Variants in UBTD1 observed in about 807,000 individuals in gnomAD.
UBTD1 encodes the protein ubiquitin domain containing 1.
UBTD1 carries 19 observed loss-of-function variants against 21.7 expected under a neutral mutation model. The ratio of observed to expected loss-of-function variants is 0.87; its 90% CI spans 0.61 to 1.28. The LOEUF (loss-of-function observed/expected upper bound fraction) is 1.28. UBTD1 is among the 50% of genes most tolerant of loss of function. The pLI, the probability that UBTD1 is intolerant of heterozygous loss-of-function variation, is 0.00. For synonymous variants in UBTD1, 116 were observed against 135.1 expected (o/e 0.86, Z 0.98); for missense variants, 282 against 315.1 (o/e 0.89, Z 0.80).
At chr10:97,562,856 C>G (rs551153006) in intron 1 of UBTD1, among the ~76,000 whole-genome samples, 15 of 152,072 alleles carry the variant, frequency 9.9e-5, no homozygotes, top group Non-Finnish European at 2.1e-4. Context: ...ACATTCCTGT[C>G]TTCTTATATT....
At chr10:97,508,417 A>T (rs376360434) in intron 1 of UBTD1, among the ~76,000 whole-genome samples, 1 of 152,144 alleles carries the variant, frequency 6.6e-6, no homozygotes, top group Non-Finnish European at 1.5e-5. Context: ...TATTTTACCT[A>T]TGGGAACATG....
chr10:97,521,877 T>A (rs1275329834), intron 1 of UBTD1, among the ~76,000 whole-genome samples: 1 of 152,258 alleles, frequency 6.6e-6, no homozygotes, highest in Non-Finnish European at 1.5e-5. Flanking sequence ...GTCAAGTAGC[T>A]GGCCTTGGGC....
chr10:97,506,832 A>C (rs577065853), intron 1 of UBTD1, among the ~76,000 whole-genome samples: 1 of 152,314 alleles, frequency 6.6e-6, no homozygotes, highest in Admixed American at 6.5e-5. Context: ...AGCATGTGTC[A>C]GAATGTCCTT....
chr10:97,547,390 A>G (rs1217888386), intron 1 of UBTD1, among the ~76,000 whole-genome samples: 4 of 152,090 alleles, frequency 2.6e-5, no homozygotes, highest in Non-Finnish European at 5.9e-5. Flanking sequence ...ATTAGCCACC[A>G]TCCTCCCTCT....
chr10:97,538,279 G>C (rs182768769), intron 1 of UBTD1, among the ~76,000 whole-genome samples: 26 of 152,174 alleles, frequency 1.7e-4, no homozygotes, highest in African/African-American at 6.3e-4. Context: ...ATCCCTTGAG[G>C]CTAGGGGTTT....
chr10:97,545,387 C>CGT (rs1554866775), intron 1 of UBTD1, among the ~76,000 whole-genome samples: 13 of 120,712 alleles, frequency 1.1e-4, no homozygotes, highest in African/African-American at 4.3e-4. Flanking sequence ...GTATGGGGCT[C>CGT]GTGTGTGTGT....
chr10:97,568,116 T>G lies in UBTD1; in HGVS notation c.273T>G (p.Asp91Glu). ...NDHELAQAILDGASITLPHGT... is the reference protein window; with the variant it reads ...NDHELAQAILEGASITLPHGT... ...ACGAGCTGGCCCAGGCCATCCTGGA[T>G]GGAGCCAGCATCACCCTGCCTCATG... The change falls in exon 2 of 3, where the codon GAT (aspartate) becomes GAG (glutamate). Residue 91 changes from aspartate (D) to glutamate (E), a missense_variant. Transcript: ENST00000370664. 6.2e-7 allele frequency: 1 copy of G among 1,613,744 alleles called. No homozygotes were observed. Among genetic ancestry groups the G allele is most frequent in the Non-Finnish European group, 8.5e-7 (1 of 1,180,042 alleles).
At chr10:97,561,195 T>C (rs924229875) in intron 1 of UBTD1, among the ~76,000 whole-genome samples, 1 of 152,036 alleles carries the variant, frequency 6.6e-6, no homozygotes, top group Non-Finnish European at 1.5e-5. Flanking sequence ...CCGGGAGCGC[T>C]CTTTGGATTG....
chr10:97,567,531 C>T (rs183627867), intron 1 of UBTD1, among the ~76,000 whole-genome samples: 3 of 151,598 alleles, frequency 2.0e-5, no homozygotes, highest in African/African-American at 2.4e-5. Flanking sequence ...TGGTGGTGGG[C>T]GCCTGTAATC....
At chr10:97,559,270 G>A (rs894212655) in intron 1 of UBTD1, among the ~76,000 whole-genome samples, 19 of 152,350 alleles carry the variant, frequency 1.2e-4, no homozygotes, top group Middle Eastern at 3.4e-3. Flanking sequence ...GCCCACGCCT[G>A]GTCGACTGGA....
intron 1 of UBTD1, among the ~76,000 whole-genome samples, chr10:97,536,007 T>TA (rs199545304): frequency 0.011 from 1,707 of 149,422 alleles, 20 homozygotes; most frequent in East Asian, 0.039. Context: ...TTATTATTAT[T>TA]TCGAGACAGA....
At position 97,570,532 on chromosome 10, in the gene UBTD1, C is replaced by CG. The variant is rs1564746698; in HGVS notation, c.*11dup. 1.3e-6 allele frequency: 2 copies of CG among 1,584,812 alleles called. No individual in the cohort carries two copies. Among genetic ancestry groups the CG allele is most frequent in the Non-Finnish European group, 1.7e-6 (2 of 1,159,732 alleles). ...CACCACCCCAGGACTGATGGGCCCA[C>CG]GGACCCCTGGGAAGAGGCCCCGCCT... On this transcript the variant is annotated 3_prime_UTR_variant, in exon 3 of 3. Coordinates refer to ENST00000370664, the MANE Select transcript of UBTD1 (RefSeq NM_024954.5). This position sits in a 1 kb window ranked among gnomAD's most constrained non-coding sequence, Gnocchi z 6.6.
chr10:97,551,293 C>T (rs983441109), intron 1 of UBTD1, among the ~76,000 whole-genome samples: 9 of 151,652 alleles, frequency 5.9e-5, no homozygotes, highest in South Asian at 2.1e-4. Context: ...CCTAGCACTT[C>T]GGGAGGCCGA....
chr10:97,518,353 C>T (rs946378344), intron 1 of UBTD1, among the ~76,000 whole-genome samples: 19 of 152,318 alleles, frequency 1.2e-4, no homozygotes, highest in African/African-American at 3.4e-4. Flanking sequence ...CTAGCTGCCC[C>T]TCCCCGAGGA....
chr10:97,569,515 T>C (rs781074555), intron 2 of UBTD1, among the ~76,000 whole-genome samples: 1 of 152,224 alleles, frequency 6.6e-6, no homozygotes, highest in Non-Finnish European at 1.5e-5. Flanking sequence ...GTACACCTGG[T>C]CATCAGGCTG....
intron 1 of UBTD1, among the ~76,000 whole-genome samples, chr10:97,545,363 C>T (rs2040604795): frequency 1.4e-5 from 2 of 146,344 alleles, no homozygotes; most frequent in Admixed American, 6.8e-5. Flanking sequence ...GACCTACTTT[C>T]TATTCTCTGG....
chr10:97,519,551 A>G (rs1426556298), intron 1 of UBTD1, among the ~76,000 whole-genome samples: 1 of 152,106 alleles, frequency 6.6e-6, no homozygotes, highest in Non-Finnish European at 1.5e-5. Flanking sequence ...GTGAGTGGTG[A>G]TTGTCAACTG....
intron 1 of UBTD1, among the ~76,000 whole-genome samples, chr10:97,534,569 ACGCG>A (rs1265177158): frequency 1.9e-4 from 21 of 109,520 alleles, no homozygotes; most frequent in Admixed American, 4.1e-4. Context: ...AGGAACACAC[ACGCG>A]CGCGCGCACA....
chr10:97,546,686 C>A (rs532342362), intron 1 of UBTD1, among the ~76,000 whole-genome samples: 10 of 151,638 alleles, frequency 6.6e-5, no homozygotes, highest in Admixed American at 2.6e-4. Context: ...CTCTTAGATT[C>A]TGTTCCTCTC....
Sources: allele counts gnomAD v4.1 joint callset (sites outside exome capture counted in the v4.1 genomes callset), GRCh38; gene constraint gnomAD v4.1.1; non-coding constraint Gnocchi (gnomAD v3.1); transcripts MANE v1.5; gene names NCBI Gene and HGNC (gene_info 2026-07-23, HGNC 2026-07-21).